Variants in KIAA1217 observed in about 807,000 individuals in gnomAD.
KIAA1217 encodes KIAA1217, also known as sickle tail protein homolog.
In KIAA1217, 88 loss-of-function variants were observed where a neutral mutation model predicts 163.9. The observed-to-expected ratio is 0.54, with a 90% confidence interval of 0.45 to 0.64. The LOEUF (loss-of-function observed/expected upper bound fraction) is 0.64. Among genes scored for constraint, KIAA1217 ranks in the 30% least tolerant of loss-of-function variants. The pLI is 0.00. For missense variants in KIAA1217, 2,372 were observed against 2,475.0 expected (o/e 0.96, Z 0.88); for synonymous variants, 903 against 923.1 (o/e 0.98, Z 0.39).
At chr10:24,189,762 C>T (rs920962461) in intron 2 of KIAA1217, among the ~76,000 whole-genome samples, 14 of 152,080 alleles carry the variant, frequency 9.2e-5, no homozygotes, top group Non-Finnish European at 1.8e-4. Flanking sequence ...CTCCTGTAAT[C>T]CCAAGGACTT....
chr10:23,772,494 C>T (rs1007979390), intron 1 of KIAA1217, among the ~76,000 whole-genome samples: 2 of 152,122 alleles, frequency 1.3e-5, no homozygotes, highest in Non-Finnish European at 2.9e-5. Flanking sequence ...TCAGCTAATA[C>T]TTAGGAGCAC....
chr10:23,818,574 G>T (rs1192347696), intron 1 of KIAA1217, among the ~76,000 whole-genome samples: 2 of 151,974 alleles, frequency 1.3e-5, no homozygotes, highest in Non-Finnish European at 2.9e-5. Flanking sequence ...TTTGGATACA[G>T]AAACCAGGAC....
chr10:24,544,989 C>G lies in KIAA1217; in HGVS notation c.5220C>G (p.Ser1740Arg). 1 of 1,613,972 alleles carries G rather than the reference C, an allele frequency of 6.2e-7. No homozygotes were observed. Among genetic ancestry groups the G allele is most frequent in the Non-Finnish European group, 8.5e-7 (1 of 1,179,914 alleles). ...ACTGGTCCTTCCCACAGGGCTCCAG[C>G]GGGGCCCCACAGACGAGCAGGATGC... Reference protein sequence around the residue: ...SIPSASRKGSSGAPQTSRMPV... With the variant: ...SIPSASRKGSRGAPQTSRMPV... The change falls in exon 20 of 21, where the codon AGC becomes AGG. Residue 1740 changes from serine (S) to arginine (R), a missense_variant. Coordinates refer to ENST00000376454, the MANE Select transcript of KIAA1217 (RefSeq NM_019590.5).
intron 1 of KIAA1217, among the ~76,000 whole-genome samples, chr10:23,984,934 A>G (rs1845911454): frequency 6.6e-6 from 1 of 152,102 alleles, no homozygotes; most frequent in Admixed American, 6.5e-5. Context: ...ATTAAAAAAA[A>G]AAAAGCCTTG....
intron 2 of KIAA1217, among the ~76,000 whole-genome samples, chr10:24,341,640 T>A (rs1324396867): frequency 6.6e-6 from 1 of 152,200 alleles, no homozygotes; most frequent in Non-Finnish European, 1.5e-5. Flanking sequence ...CTTTAATACT[T>A]ACTTTAATGA....
At chr10:23,753,629 T>C (rs1833769722) in intron 1 of KIAA1217, among the ~76,000 whole-genome samples, 1 of 152,180 alleles carries the variant, frequency 6.6e-6, no homozygotes, top group South Asian at 2.1e-4. Flanking sequence ...GAAGCAAGAG[T>C]TATCCAGACT....
chr10:24,017,104 A>T (rs1847518155), intron 2 of KIAA1217, among the ~76,000 whole-genome samples: 1 of 144,372 alleles, frequency 6.9e-6, no homozygotes, highest in African/African-American at 2.6e-5. Context: ...CCCAGGCTGG[A>T]GTGCAGTGGC....
At chr10:23,770,902 A>G (rs1834766527) in intron 1 of KIAA1217, among the ~76,000 whole-genome samples, 1 of 152,212 alleles carries the variant, frequency 6.6e-6, no homozygotes, top group Non-Finnish European at 1.5e-5. Context: ...CATCCAAGGT[A>G]CTGCTGTCCA....
intron 1 of KIAA1217, among the ~76,000 whole-genome samples, chr10:23,742,202 A>G (rs1275068995): frequency 6.6e-6 from 1 of 152,130 alleles, no homozygotes; most frequent in African/African-American, 2.4e-5. Flanking sequence ...AATGCATGCA[A>G]GATTTTTGCC....
intron 1 of KIAA1217, among the ~76,000 whole-genome samples, chr10:23,896,171 TAGA>T (rs1047477499): frequency 4.6e-5 from 7 of 151,958 alleles, no homozygotes; most frequent in African/African-American, 1.4e-4. Context: ...TTTAAAAAAG[TAGA>T]AGAATAATCA....
chr10:24,432,643 T>C (rs1361240060), intron 3 of KIAA1217, among the ~76,000 whole-genome samples: 2 of 151,838 alleles, frequency 1.3e-5, no homozygotes, highest in Non-Finnish European at 2.9e-5. Flanking sequence ...TCCAAAGAGA[T>C]GGGATCTTGC....
chr10:24,540,202 A>T (rs1267369861), intron 17 of KIAA1217, among the ~76,000 whole-genome samples: 1 of 152,120 alleles, frequency 6.6e-6, no homozygotes, highest in Non-Finnish European at 1.5e-5. Flanking sequence ...ACTCAGTTTT[A>T]AAATACATAT....
At chr10:24,135,391 C>A in intron 2 of KIAA1217, among the ~76,000 whole-genome samples, 1 of 151,972 alleles carries the variant, frequency 6.6e-6, no homozygotes, top group Non-Finnish European at 1.5e-5. Flanking sequence ...AAGCACCCAC[C>A]CTCTGCCAGT....
chr10:23,881,264 C>T (rs1222413145), intron 1 of KIAA1217, among the ~76,000 whole-genome samples: 4 of 151,874 alleles, frequency 2.6e-5, no homozygotes, highest in Non-Finnish European at 4.4e-5. Flanking sequence ...AGAGCCATAG[C>T]TTTGAACATT....
At chr10:23,882,322 T>C (rs989916124) in intron 1 of KIAA1217, among the ~76,000 whole-genome samples, 1 of 151,852 alleles carries the variant, frequency 6.6e-6, no homozygotes, top group Non-Finnish European at 1.5e-5. Flanking sequence ...AGATGATCAA[T>C]GTTAATCAAT....
At chr10:24,332,730 G>A (rs1330712087) in intron 2 of KIAA1217, among the ~76,000 whole-genome samples, 1 of 152,180 alleles carries the variant, frequency 6.6e-6, no homozygotes, top group Non-Finnish European at 1.5e-5. Flanking sequence ...CACATGTAAA[G>A]TGTGTTTAAT....
chr10:24,026,742 A>ATTTTTTTTTT, intron 2 of KIAA1217, among the ~76,000 whole-genome samples: 8 of 70,082 alleles, frequency 1.1e-4, no homozygotes, highest in Admixed American at 3.0e-4. Context: ...TATTTCATTG[A>ATTTTTTTTTT]TTTTTTTTTT....
chr10:23,953,762 G>C (rs544756847), intron 1 of KIAA1217, among the ~76,000 whole-genome samples: 1 of 152,310 alleles, frequency 6.6e-6, no homozygotes, highest in South Asian at 2.1e-4. Flanking sequence ...CATAATTAAT[G>C]TTAGATAATA....
intron 3 of KIAA1217, among the ~76,000 whole-genome samples, chr10:24,417,270 C>G (rs1421816751): frequency 6.6e-6 from 1 of 152,156 alleles, no homozygotes; most frequent in East Asian, 1.9e-4. Context: ...GGAACAGCTG[C>G]TGAGAGCCTG....
Sources: gnomAD v4.1 joint callset for allele counts (sites outside exome capture counted in the v4.1 genomes callset) on GRCh38, gnomAD v4.1.1 for gene constraint, MANE v1.5 for transcripts, NCBI Gene and HGNC (gene_info 2026-07-23, HGNC 2026-07-21) for gene names.